Variants in CDK13 observed in about 807,000 individuals in gnomAD.
CDK13 encodes cyclin-dependent kinase 13.
CDK13 carries 40 observed loss-of-function variants against 137.6 expected under a neutral mutation model. That is an observed-to-expected ratio of 0.29 (90% CI 0.23 to 0.38). The LOEUF (loss-of-function observed/expected upper bound fraction) is 0.38, where lower values mean the gene tolerates loss of function less well. Among genes scored for constraint, CDK13 ranks in the 10% least tolerant of loss-of-function variants. The pLI is 1.00. For missense variants in CDK13, 1,704 were observed against 1,951.8 expected, an observed-to-expected ratio of 0.87 and a Z score of 2.39; for synonymous variants, 869 against 760.1, an observed-to-expected ratio of 1.14 and a Z score of -2.36.
At chr7:39,999,595 A>G (rs1784641224) in intron 4 of CDK13, 95 bp downstream of exon 4, 16 of 1,193,922 alleles carry the variant, frequency 1.3e-5, no homozygotes, top group African/African-American at 6.2e-5. Context: ...TTTCCAAAAA[A>G]TTAAATTCAA....
chr7:40,084,724 AC>A (rs1466219815), intron 11 of CDK13, among the ~76,000 whole-genome samples: 1 of 152,370 alleles, frequency 6.6e-6, no homozygotes, highest in Non-Finnish European at 1.5e-5. Context: ...GTGATGTCAA[AC>A]ATGAATTAAT....
At chr7:39,954,889 A>AG (rs1435834518) in intron 1 of CDK13, among the ~76,000 whole-genome samples, 1 of 152,220 alleles carries the variant, frequency 6.6e-6, no homozygotes, top group Non-Finnish European at 1.5e-5. Flanking sequence ...CCCAAAGTCC[A>AG]GGGATTACAG....
intron 5 of CDK13, among the ~76,000 whole-genome samples, chr7:40,043,497 A>G (rs762491790): frequency 3.3e-5 from 5 of 152,182 alleles, no homozygotes; most frequent in Admixed American, 2.6e-4. Flanking sequence ...GAGAAAAACC[A>G]TTGGTCCTTT....
Position 39,987,817 on chromosome 7 carries a change from C to T in CDK13, c.1430C>T (p.Thr477Ile). ...GAAGCAGCGAAAGCTGCAGAAGCAACTAAGGCTGCTGAGGCTGCTGCCAAG... is the reference window on the plus strand; with the variant it reads ...GAAGCAGCGAAAGCTGCAGAAGCAATTAAGGCTGCTGAGGCTGCTGCCAAG... ...AAEAAKAAEA[T>I]KAAEAAAKAA... Residue 477 changes from threonine to isoleucine, a missense_variant, in exon 2 of 14, where the codon ACT becomes ATT. Thr to Ile is a moderately conservative substitution (Grantham distance 89). Transcript: ENST00000181839. 6.2e-7 allele frequency: 1 copy of T among 1,614,024 alleles called. No homozygotes were observed.
chr7:39,966,708 G>A (rs959964158), intron 1 of CDK13, among the ~76,000 whole-genome samples: 4 of 152,062 alleles, frequency 2.6e-5, no homozygotes, highest in African/African-American at 9.7e-5. Flanking sequence ...AGATTTTTCA[G>A]TTTTTCCGCT....
intron 12 of CDK13, among the ~76,000 whole-genome samples, chr7:40,090,719 T>C (rs1786902691): frequency 1.3e-5 from 2 of 151,826 alleles, no homozygotes; most frequent in African/African-American, 4.8e-5. Flanking sequence ...ACCCCGTCTC[T>C]ACAAAAAATA....
At position 40,096,592 on chromosome 7, in the gene CDK13, A is replaced by C. The variant is rs1478557835; in HGVS notation, c.*1612A>C. The C allele has an allele frequency of 3.3e-5, 5 of 152,168 alleles. No individual in the cohort carries two copies. The highest frequency in any genetic ancestry group is 3.4e-3 in the Middle Eastern group (1 of 294). 9.4% of individuals were successfully genotyped at this position (152,168 alleles called of 1,614,324 possible). A position where few individuals can be genotyped will look rare whatever the true frequency, so the allele number is the denominator to read the frequency against. On this transcript the variant is annotated 3_prime_UTR_variant, in exon 14 of 14. Transcript: ENST00000181839. The stretch of plus-strand genomic sequence containing the variant: ...CTGGTAACTTATTTTTTTTTATTGG[A>C]ATCTTAAATTGGAACAACTGTTACA...
intron 4 of CDK13, among the ~76,000 whole-genome samples, chr7:40,001,078 A>G (rs1784675436): frequency 6.6e-6 from 1 of 151,912 alleles, no homozygotes; most frequent in South Asian, 2.1e-4. Context: ...GTCTGAGCGT[A>G]TTTTTTTCAC....
chr7:40,094,206 G>A lies in CDK13; in HGVS notation c.3765G>A (p.Leu1255=). Reference sequence around the variant, plus strand: ...CAGAACCAGACCGGCCTCGAATTCTGCCTCCTGACCAACGACCTCCCGAGC... The same window carrying A: ...CAGAACCAGACCGGCCTCGAATTCTACCTCCTGACCAACGACCTCCCGAGC... ...LTPEPDRPRI[L]PPDQRPPEPP... is the part of the protein sequence containing the mutation. The change falls in exon 14 of 14, where the codon CTG becomes CTA. Residue 1255 remains leucine (L), a synonymous_variant. Coordinates refer to ENST00000181839, the MANE Select transcript of CDK13 (RefSeq NM_003718.5). 6.2e-7 allele frequency: 1 copy of A among 1,613,854 alleles called. No homozygotes were observed. Among genetic ancestry groups the A allele is most frequent in the Non-Finnish European group, 8.5e-7 (1 of 1,179,962 alleles).
chr7:39,983,351 G>T (rs1431728467), intron 1 of CDK13, among the ~76,000 whole-genome samples: 2 of 152,060 alleles, frequency 1.3e-5, no homozygotes, highest in African/African-American at 4.8e-5. Context: ...TTGATCTCCT[G>T]ACCTCGTGAT....
chr7:40,000,326 A>G (rs1784656561), intron 4 of CDK13, among the ~76,000 whole-genome samples: 1 of 152,140 alleles, frequency 6.6e-6, no homozygotes, highest in South Asian at 2.1e-4. Flanking sequence ...AGATCACACC[A>G]CTGCACTCCA....
At chr7:40,029,700 T>C (rs1785325771) in intron 5 of CDK13, among the ~76,000 whole-genome samples, 1 of 152,050 alleles carries the variant, frequency 6.6e-6, no homozygotes, top group South Asian at 2.1e-4. Context: ...TTGCCCAGGC[T>C]GGAGTACAGT....
At chr7:39,989,179 G>GAT (rs1784407011) in intron 2 of CDK13, among the ~76,000 whole-genome samples, 1 of 151,162 alleles carries the variant, frequency 6.6e-6, no homozygotes, top group Admixed American at 6.6e-5. Context: ...GAACAGTGAG[G>GAT]GTATGGCTTA....
intron 2 of CDK13, among the ~76,000 whole-genome samples, chr7:39,990,471 A>T (rs1784434478): frequency 1.3e-5 from 2 of 152,158 alleles, no homozygotes; most frequent in African/African-American, 4.8e-5. Flanking sequence ...GAGACTTGAT[A>T]TTGTTTTACT....
intron 1 of CDK13, among the ~76,000 whole-genome samples, chr7:39,981,262 T>TG (rs1784217152): frequency 1.3e-5 from 2 of 151,950 alleles, no homozygotes; most frequent in Admixed American, 6.6e-5. Context: ...CCGCTACTTT[T>TG]GGGGGGTGGA....
At chr7:39,982,857 G>A (rs1297375902) in intron 1 of CDK13, among the ~76,000 whole-genome samples, 4 of 152,148 alleles carry the variant, frequency 2.6e-5, no homozygotes, top group African/African-American at 9.7e-5. Context: ...ACTTTTTGAT[G>A]GGGTTGTTTG....
rs1286631834 is a variant in CDK13 at position 40,028,347 on chromosome 7, T to A, written c.2354-17489T>A. On this transcript the variant is annotated intron_variant, in intron 5 of 13. Coordinates refer to ENST00000181839, the MANE Select transcript of CDK13 (RefSeq NM_003718.5). Reference sequence around the variant, plus strand: ...CATTCTGCTGCCTCAGCCTCCTGAGTAGCTGGGACGACAGGCACCTGCCAC... The same window carrying A: ...CATTCTGCTGCCTCAGCCTCCTGAGAAGCTGGGACGACAGGCACCTGCCAC... 2.0e-5 allele frequency among the ~76,000 whole-genome samples: 3 copies of A among 151,646 alleles called. 1 individual carries two copies. The highest frequency in any genetic ancestry group is 4.4e-5 in the Non-Finnish European group (3 of 67,970).
At chr7:39,959,951 C>G (rs996000320) in intron 1 of CDK13, among the ~76,000 whole-genome samples, 1 of 150,628 alleles carries the variant, frequency 6.6e-6, no homozygotes, top group Non-Finnish European at 1.5e-5. Context: ...TGATTTGTCT[C>G]TGTGTGTGTG....
chr7:40,030,546 G>C (rs1785355452), intron 5 of CDK13, among the ~76,000 whole-genome samples: 1 of 149,700 alleles, frequency 6.7e-6, no homozygotes, highest in Admixed American at 6.8e-5. Flanking sequence ...GATTACAGGT[G>C]CGCACCACCA....
Sources: gnomAD v4.1 joint callset for allele counts (sites outside exome capture counted in the v4.1 genomes callset) on GRCh38, gnomAD v4.1.1 for gene constraint, MANE v1.5 for transcripts, NCBI Gene and HGNC (gene_info 2026-07-23, HGNC 2026-07-21) for gene names.